EDA: variants seen among roughly 807,000 people sequenced by gnomAD.
EDA encodes ectodysplasin-A.
EDA carries 2 observed loss-of-function variants against 23.6 expected under a neutral mutation model. That is an observed-to-expected ratio of 0.08 (90% confidence interval 0.03 to 0.27). The LOEUF is 0.27. Ranked by LOEUF, EDA falls within the 10% of genes least tolerant of loss-of-function variation. EDA has a pLI of 1.00. For synonymous variants in EDA, 131 were observed against 132.0 expected (o/e 0.99, Z 0.05); for missense variants, 229 against 324.2 (o/e 0.71, Z 2.26).
chrX:69,935,337 G>C (rs2018656799), intron 1 of EDA, among the ~76,000 whole-genome samples: 1 of 111,151 alleles, frequency 9.0e-6, no homozygotes, highest in African/African-American at 3.3e-5. Context: ...ATATATGGTA[G>C]TTCTATTTTT....
At chrX:69,694,480 A>G (rs2011267351) in intron 1 of EDA, among the ~76,000 whole-genome samples, 2 of 112,217 alleles carry the variant, frequency 1.8e-5, no homozygotes, top group Non-Finnish European at 3.8e-5. Flanking sequence ...CACCTAGTCT[A>G]ATGGTGTATT....
chrX:69,725,488 A>G (rs1369880196), intron 1 of EDA, among the ~76,000 whole-genome samples: 2 of 112,523 alleles, frequency 1.8e-5, no homozygotes, highest in Non-Finnish European at 3.7e-5. Context: ...TCTCCCATGT[A>G]GCATCCTCTA....
At position 69,966,722 on chromosome X, in the gene EDA, T is replaced by A. The variant is rs188805039; in HGVS notation, c.502+9590T>A. 4.2e-3 allele frequency among the ~76,000 whole-genome samples: 460 copies of A among 110,128 alleles called. 2 individuals carry two copies. The highest frequency in any genetic ancestry group is 0.015 in the African/African-American group (444 of 30,371). ...AATAAACTACGACATAGACATACTA[T>A]TGAATATTATGTATATTATTATTCA... is the stretch of plus-strand genomic sequence containing the variant. On this transcript the variant is annotated intron_variant, in intron 2 of 7. Coordinates refer to ENST00000374552, the MANE Select transcript of EDA (RefSeq NM_001399.5).
chrX:69,800,423 G>A (rs2015655470), intron 1 of EDA, among the ~76,000 whole-genome samples: 1 of 111,115 alleles, frequency 9.0e-6, no homozygotes, highest in Non-Finnish European at 1.9e-5. Context: ...TTAATACATG[G>A]GTAATGGATA....
At chrX:69,635,994 C>T (rs971788522) in intron 1 of EDA, among the ~76,000 whole-genome samples, 2 of 110,154 alleles carry the variant, frequency 1.8e-5, no homozygotes, top group Non-Finnish European at 3.8e-5. Flanking sequence ...AATATATGCT[C>T]TTTGGTGTTC....
intron 3 of EDA, among the ~76,000 whole-genome samples, chrX:70,024,240 G>C (rs2020079828): frequency 8.9e-6 from 1 of 112,412 alleles, no homozygotes; most frequent in South Asian, 3.7e-4. Flanking sequence ...AAAAAGACTG[G>C]CTTCAGCTGC....
chrX:69,850,812 T>C (rs1165153598), intron 1 of EDA, among the ~76,000 whole-genome samples: 1 of 112,375 alleles, frequency 8.9e-6, no homozygotes, highest in Non-Finnish European at 1.9e-5. Flanking sequence ...TTGAATTAGT[T>C]CCTGGATGTA....
At chrX:69,642,897 G>A (rs2147232263) in intron 1 of EDA, among the ~76,000 whole-genome samples, 1 of 111,961 alleles carries the variant, frequency 8.9e-6, no homozygotes, top group Non-Finnish European at 1.9e-5. Context: ...GAACTTGAAA[G>A]ATGGCAGTGG....
chrX:69,965,230 T>C (rs758873890), intron 2 of EDA, among the ~76,000 whole-genome samples: 23 of 111,568 alleles, frequency 2.1e-4, no homozygotes, highest in African/African-American at 7.5e-4. Flanking sequence ...AGAATATACA[T>C]GTTGGAAGGC....
chrX:69,979,024 A>G (rs1452405722), intron 2 of EDA, among the ~76,000 whole-genome samples: 1 of 111,050 alleles, frequency 9.0e-6, no homozygotes, highest in Non-Finnish European at 1.9e-5. Context: ...CCTCCTTCCA[A>G]AAAGAAACTC....
At chrX:69,824,224 A>G (rs1219644402) in intron 1 of EDA, among the ~76,000 whole-genome samples, 6 of 110,780 alleles carry the variant, frequency 5.4e-5, no homozygotes, top group South Asian at 7.7e-4. Flanking sequence ...GTTTTTTCCA[A>G]TTCTGTGAAG....
chrX:69,776,125 A>G, intron 1 of EDA, among the ~76,000 whole-genome samples: 1 of 112,193 alleles, frequency 8.9e-6, no homozygotes, highest in Non-Finnish European at 1.9e-5. Context: ...CTTTACTATA[A>G]TGTATTAATG....
intron 1 of EDA, among the ~76,000 whole-genome samples, chrX:69,664,666 T>TTGTGTGTGTGTG (rs35371760): frequency 1.3e-4 from 14 of 104,068 alleles, no homozygotes; most frequent in African/African-American, 4.9e-4. Context: ...TAATATTTCA[T>TTGTGTGTGTGTG]TGTGTGTGTG....
chrX:69,753,912 T>TC (rs2013998068), intron 1 of EDA, among the ~76,000 whole-genome samples: 1 of 110,276 alleles, frequency 9.1e-6, no homozygotes, highest in African/African-American at 3.3e-5. Flanking sequence ...CTTTTTTTTT[T>TC]CCATTTGCTT....
intron 1 of EDA, among the ~76,000 whole-genome samples, chrX:69,734,407 T>TA (rs1018616691): frequency 8.9e-6 from 1 of 111,815 alleles, no homozygotes; most frequent in Non-Finnish European, 1.9e-5. Context: ...TAAAAACAGG[T>TA]AAAAAACAGA....
intron 1 of EDA, among the ~76,000 whole-genome samples, chrX:69,778,111 C>T (rs755929666): frequency 9.0e-6 from 1 of 111,216 alleles, no homozygotes; most frequent in Non-Finnish European, 1.9e-5. Flanking sequence ...TTAATTCAAA[C>T]CTTCTGTATA....
At chrX:69,850,896 A>G in intron 1 of EDA, among the ~76,000 whole-genome samples, 1 of 111,574 alleles carries the variant, frequency 9.0e-6, no homozygotes, top group East Asian at 2.8e-4. Context: ...CCAGTTTATC[A>G]TTCTACCCCA....
At chrX:69,668,214 C>G (rs1470224597) in intron 1 of EDA, among the ~76,000 whole-genome samples, 1 of 111,634 alleles carries the variant, frequency 9.0e-6, no homozygotes, top group Non-Finnish European at 1.9e-5. Context: ...TTCAAATTGC[C>G]CTTTTGATTT....
intron 1 of EDA, among the ~76,000 whole-genome samples, chrX:69,686,014 C>CT (rs1188195629): frequency 1.8e-5 from 2 of 112,024 alleles, no homozygotes; most frequent in Non-Finnish European, 3.8e-5. Flanking sequence ...CTTTTCTTTT[C>CT]TTTTTTGTTT....
Sources: allele counts gnomAD v4.1 joint callset (sites outside exome capture counted in the v4.1 genomes callset), GRCh38; gene constraint gnomAD v4.1.1; transcripts MANE v1.5; gene names NCBI Gene and HGNC (gene_info 2026-07-23, HGNC 2026-07-21).